Variants in TATDN1 observed in about 807,000 individuals in gnomAD.
The protein encoded by TATDN1 is TatD DNase domain containing 1.
In TATDN1, 40 loss-of-function variants were observed where a neutral mutation model predicts 46.4. The ratio of observed to expected loss-of-function variants is 0.86; its 90% CI spans 0.67 to 1.12. The LOEUF (loss-of-function observed/expected upper bound fraction) is 1.12, where lower values mean the gene tolerates loss of function less well. Ranked by LOEUF, TATDN1 falls within the 50% of genes most tolerant of loss-of-function variation. The pLI, the probability that TATDN1 is intolerant of heterozygous loss-of-function variation, is 0.00. For missense variants in TATDN1, 326 were observed against 348.4 expected (o/e 0.94, Z 0.51); for synonymous variants, 95 against 105.6 (o/e 0.90, Z 0.62).
At chr8:124,531,235 C>G (rs1471738376) in intron 1 of TATDN1, among the ~76,000 whole-genome samples, 2 of 152,076 alleles carry the variant, frequency 1.3e-5, no homozygotes, top group Non-Finnish European at 2.9e-5. Context: ...ATTTCCTGGT[C>G]TAAGTGCACA....
Position 124,530,099 on chromosome 8 carries a change from A to G in TATDN1, c.23-7097T>C, listed in dbSNP as rs149377893. 7.1e-4 allele frequency among the ~76,000 whole-genome samples: 108 copies of G among 151,920 alleles called. 2 individuals are homozygous for G. In the East Asian group the frequency reaches 0.021, roughly 29 times the overall value. ...GGCCAAGACTCAGTCTCAAAAAAAAACCATAAAAAACCCAAAGAACAACAA... is the reference window on the plus strand; with the variant it reads ...GGCCAAGACTCAGTCTCAAAAAAAAGCCATAAAAAACCCAAAGAACAACAA... On this transcript the variant is annotated intron_variant, in intron 1 of 11. Transcript: ENST00000276692.
At position 124,522,945 on chromosome 8, in the gene TATDN1, T is replaced by G; in HGVS notation, c.80A>C (p.Lys27Thr). ...MFRGIYRGVQKHQDDLQDVIG... is the reference protein window; with the variant it reads ...MFRGIYRGVQTHQDDLQDVIG... ...ATAAAGGAAATATTTACCTTGATGC[T>G]TTTGAACCCCCCTATAAATTCCTCT... The change falls in exon 2 of 12, where the codon AAG (lysine) becomes ACG (threonine). Residue 27 changes from lysine to threonine, a missense_variant. Transcript: ENST00000276692. 6.2e-7 allele frequency: 1 copy of G among 1,612,948 alleles called. No individual in the cohort carries two copies. Among genetic ancestry groups the G allele is most frequent in the Non-Finnish European group, 8.5e-7 (1 of 1,179,286 alleles).
At chr8:124,496,226 G>GT (rs74538082) in intron 9 of TATDN1, among the ~76,000 whole-genome samples, 13,279 of 152,216 alleles carry the variant, frequency 0.087, 651 homozygotes, top group East Asian at 0.16. Flanking sequence ...TTTTAGAGCA[G>GT]TTTTAGGTTT....
chr8:124,505,577 A>C (rs1040466077), intron 8 of TATDN1, among the ~76,000 whole-genome samples: 2 of 151,782 alleles, frequency 1.3e-5, no homozygotes, highest in African/African-American at 2.4e-5. Context: ...ATAATCAATA[A>C]TATCAGCTTA....
At chr8:124,498,193 G>T (rs1056171578) in intron 9 of TATDN1, among the ~76,000 whole-genome samples, 2 of 151,986 alleles carry the variant, frequency 1.3e-5, no homozygotes, top group African/African-American at 4.8e-5. Flanking sequence ...CTTTGCTTTT[G>T]TGAAAGCAGG....
intron 9 of TATDN1, among the ~76,000 whole-genome samples, chr8:124,500,332 G>C (rs1407843754): frequency 1.3e-5 from 2 of 152,172 alleles, no homozygotes; most frequent in Non-Finnish European, 2.9e-5. Flanking sequence ...TAATTCTGAA[G>C]CTAATATTAA....
Position 124,537,013 on chromosome 8 carries a change from G to C in TATDN1, c.22+2012C>G. On this transcript the variant is annotated intron_variant, in intron 1 of 11. Transcript: ENST00000276692. ...CTTTTAATATGGTTACTTTAGGAGA[G>C]TGGGGCTAAAGGAAACCATACAGAA... Among the ~76,000 whole-genome samples the C allele has an allele frequency of 1.3e-5, 2 of 152,094 alleles. 1 individual carries two copies. The highest frequency in any genetic ancestry group is 4.8e-5 in the African/African-American group (2 of 41,404).
At chr8:124,530,342 A>C (rs753321531) in intron 1 of TATDN1, among the ~76,000 whole-genome samples, 6 of 152,214 alleles carry the variant, frequency 3.9e-5, no homozygotes, top group Non-Finnish European at 8.8e-5. Context: ...GGATCAAGGA[A>C]GTTGTTGGCA....
At chr8:124,496,176 A>C (rs1242927725) in intron 9 of TATDN1, among the ~76,000 whole-genome samples, 2 of 152,220 alleles carry the variant, frequency 1.3e-5, no homozygotes, top group Admixed American at 6.5e-5. Flanking sequence ...ATTACTTTAA[A>C]AACACAATTT....
At chr8:124,489,814 C>G (rs1816801849) in intron 11 of TATDN1, 1 of 152,180 alleles carries the variant, frequency 6.6e-6, no homozygotes, top group Non-Finnish European at 1.5e-5. Flanking sequence ...TAGAAAGTTC[C>G]AAAGTCCAAA....
At chr8:124,518,211 C>CAAAA (rs374487274) in intron 4 of TATDN1, among the ~76,000 whole-genome samples, 3 of 34,606 alleles carry the variant, frequency 8.7e-5, no homozygotes, top group Non-Finnish European at 1.7e-4. Context: ...GACTCTATCT[C>CAAAA]AAAAAAAAAA....
At position 124,516,012 on chromosome 8, in the gene TATDN1, A is replaced by C; in HGVS notation, c.221T>G (p.Val74Gly). 1 of 1,611,244 alleles carries C rather than the reference A, an allele frequency of 6.2e-7. No homozygotes were observed. The highest frequency in any genetic ancestry group is 8.5e-7 in the Non-Finnish European group (1 of 1,179,172). Residue 74 changes from valine (V) to glycine (G), a missense_variant, in exon 5 of 12, where the codon GTT becomes GGT. Coordinates refer to ENST00000276692, the MANE Select transcript of TATDN1 (RefSeq NM_032026.4). ...AQTNGMFFSTVGCHPTRCGEF... is the reference protein window; with the variant it reads ...AQTNGMFFSTGGCHPTRCGEF... ...ACCACATCTTGTAGGATGACATCCA[A>C]CTGTACTGAAAAACATACCTAACAG...
At chr8:124,493,618 T>A (rs1249195266) in intron 11 of TATDN1, among the ~76,000 whole-genome samples, 1 of 152,230 alleles carries the variant, frequency 6.6e-6, no homozygotes, top group Non-Finnish European at 1.5e-5. Context: ...CTGCTAAGGC[T>A]TTCTTGTTAC....
chr8:124,499,859 T>A (rs919146687), intron 9 of TATDN1, among the ~76,000 whole-genome samples: 4 of 150,940 alleles, frequency 2.7e-5, no homozygotes, highest in Admixed American at 6.6e-5. Context: ...GTTCTTTTTT[T>A]TTTTGAGACA....
intron 4 of TATDN1, among the ~76,000 whole-genome samples, chr8:124,516,503 T>G (rs2131480516): frequency 6.6e-6 from 1 of 151,422 alleles, no homozygotes; most frequent in South Asian, 2.1e-4. Context: ...AGAGACAGGG[T>G]TTCGCTACGT....
chr8:124,493,728 C>T, intron 11 of TATDN1, 105 bp downstream of exon 11: 4 of 1,357,078 alleles, frequency 2.9e-6, no homozygotes, highest in Non-Finnish European at 4.0e-6. Context: ...ACCTGAACTT[C>T]ACTTGGATTT....
chr8:124,522,122 A>T, intron 3 of TATDN1, 29 bp downstream of exon 3: 2 of 1,528,844 alleles, frequency 1.3e-6, no homozygotes, highest in Non-Finnish European at 1.8e-6. Context: ...GAATTTTAAA[A>T]ATCTCAAAAA....
Position 124,488,708 on chromosome 8 carries a change from C to CAA in TATDN1, c.792-14_792-13dup. 6.8e-7 allele frequency: 1 copy of CAA among 1,474,240 alleles called. No individual in the cohort carries two copies. Among genetic ancestry groups the CAA allele is most frequent in the Non-Finnish European group, 9.5e-7 (1 of 1,056,900 alleles). The allele number at this position is 1,474,240 out of a possible 1,614,324, so 91.3% of individuals were successfully genotyped here. On this transcript the variant is annotated splice_polypyrimidine_tract_variant and intron_variant, in intron 11 of 11. Transcript: ENST00000276692. ...TCTCCAATATTTGACTAAAACAAAA[C>CAA]AAAAACAAAAATGGTTAAATCTCCA...
intron 4 of TATDN1, among the ~76,000 whole-genome samples, chr8:124,517,879 T>G (rs548770305): frequency 1.3e-5 from 2 of 152,210 alleles, no homozygotes; most frequent in Non-Finnish European, 2.9e-5. Flanking sequence ...ACTCGTATCT[T>G]AAACACGTTA....
Sources: allele counts gnomAD v4.1 joint callset (sites outside exome capture counted in the v4.1 genomes callset), GRCh38; gene constraint gnomAD v4.1.1; transcripts MANE v1.5; gene names NCBI Gene and HGNC (gene_info 2026-07-23, HGNC 2026-07-21).